Variants in ADORA2B observed in about 807,000 individuals in gnomAD.
ADORA2B encodes the protein adenosine receptor A2b.
A neutral mutation model predicts 20.8 loss-of-function variants in ADORA2B; 18 were observed. The observed-to-expected ratio is 0.87, with a 90% CI of 0.60 to 1.29. ADORA2B has a LOEUF of 1.29. ADORA2B is among the 50% of genes most tolerant of loss of function. ADORA2B has a pLI of 0.00. For missense variants in ADORA2B, 441 were observed against 422.7 expected (o/e 1.04, Z -0.38); for synonymous variants, 179 against 178.3 (o/e 1.00, Z -0.03).
At chr17:15,891,085 G>A in the ADORA2B span, among the ~76,000 whole-genome samples, 5 of 152,170 alleles carry the variant, frequency 3.3e-5, no homozygotes, top group African/African-American at 1.2e-4. Context: ...TGGCCAACAT[G>A]GTGAAACCCC....
the ADORA2B span, among the ~76,000 whole-genome samples, chr17:15,866,832 C>G: frequency 6.6e-6 from 1 of 151,958 alleles, no homozygotes; most frequent in Non-Finnish European, 1.5e-5. Flanking sequence ...CCTCTGATGC[C>G]GAGCCAAAGC....
chr17:15,928,131 G>A, the ADORA2B span, among the ~76,000 whole-genome samples: 24 of 152,286 alleles, frequency 1.6e-4, no homozygotes, highest in Non-Finnish European at 3.5e-4. Flanking sequence ...TCAAGAAAGA[G>A]GAAGTGATGG....
chr17:15,862,570 T>C, the ADORA2B span, among the ~76,000 whole-genome samples: 2 of 152,232 alleles, frequency 1.3e-5, no homozygotes, highest in East Asian at 3.9e-4. Context: ...ATTTCTGTAC[T>C]GCTTTGTGGT....
At chr17:15,940,657 T>C (rs1969735644), upstream of ADORA2B, among the ~76,000 whole-genome samples, 1 of 152,168 alleles carries the variant, frequency 6.6e-6, no homozygotes, top group Admixed American at 6.5e-5. Context: ...TCCTCTTTAT[T>C]TTATAGAGCC....
At chr17:15,917,277 C>A in the ADORA2B span, among the ~76,000 whole-genome samples, 30,838 of 152,220 alleles carry the variant, frequency 0.2, 3,688 homozygotes, top group Non-Finnish European at 0.27. Context: ...GCATTCCCTC[C>A]TGGGCAACAG....
the ADORA2B span, among the ~76,000 whole-genome samples, chr17:15,924,871 CT>C: frequency 3.5e-4 from 51 of 144,834 alleles, no homozygotes; most frequent in South Asian, 4.4e-4. Context: ...TTCTTTCTTT[CT>C]TTTTTTTTTT....
At chr17:15,970,457 T>C (rs1303555214) in intron 1 of ADORA2B, among the ~76,000 whole-genome samples, 1 of 152,194 alleles carries the variant, frequency 6.6e-6, no homozygotes, top group African/African-American at 2.4e-5. Context: ...AATGAGCCTC[T>C]ATGTACAGGG....
the ADORA2B span, among the ~76,000 whole-genome samples, chr17:15,923,198 T>TTTC: frequency 1.0e-5 from 1 of 99,026 alleles, no homozygotes; most frequent in African/African-American, 4.5e-5. Flanking sequence ...AATTTCTTTC[T>TTTC]TTTTTTAATT....
chr17:15,900,725 C>T, the ADORA2B span, among the ~76,000 whole-genome samples: 48,970 of 152,014 alleles, frequency 0.32, 8,609 homozygotes, highest in African/African-American at 0.46. Context: ...ACTGAGATTA[C>T]AGGTGTGAGC....
the ADORA2B span, among the ~76,000 whole-genome samples, chr17:15,899,486 G>A: frequency 2.0e-5 from 3 of 152,142 alleles, no homozygotes; most frequent in African/African-American, 7.2e-5. Flanking sequence ...TACATGTGCA[G>A]GTTTGTTACA....
chr17:15,850,694 A>G, the ADORA2B span: 1 of 167,404 alleles, frequency 6.0e-6, no homozygotes, highest in Admixed American at 6.5e-5. Flanking sequence ...AGGAATAACC[A>G]CTGCTTATGG....
chr17:15,922,553 G>T, the ADORA2B span, among the ~76,000 whole-genome samples: 6 of 152,072 alleles, frequency 3.9e-5, no homozygotes, highest in Non-Finnish European at 7.4e-5. Flanking sequence ...AATTATACTG[G>T]GGCAAAGGTG....
the ADORA2B span, among the ~76,000 whole-genome samples, chr17:15,929,350 A>G: frequency 6.6e-6 from 1 of 152,198 alleles, no homozygotes; most frequent in East Asian, 1.9e-4. Context: ...GAGTCAGGTG[A>G]ATGGAATGAC....
chr17:15,964,905 C>CAA (rs551950342), intron 1 of ADORA2B, among the ~76,000 whole-genome samples: 2 of 151,800 alleles, frequency 1.3e-5, no homozygotes, highest in Non-Finnish European at 2.9e-5. Flanking sequence ...ACTAAAAATA[C>CAA]AAAAAATTAG....
At chr17:15,873,357 C>T in the ADORA2B span, among the ~76,000 whole-genome samples, 1 of 152,000 alleles carries the variant, frequency 6.6e-6, no homozygotes, top group South Asian at 2.1e-4. Context: ...ACTAAGACCC[C>T]AAAAGCAAAT....
At chr17:15,945,672 GC>G in intron 1 of ADORA2B, 89 bp downstream of exon 1, 3 of 1,300,526 alleles carry the variant, frequency 2.3e-6, no homozygotes, top group Middle Eastern at 2.4e-4. Flanking sequence ...TCCCTCGGGG[GC>G]CCCAGACGGG....
chr17:15,945,106 A>G (rs1969781439), upstream of ADORA2B: 2 of 677,870 alleles, frequency 3.0e-6, no homozygotes, highest in Non-Finnish European at 4.1e-6. Flanking sequence ...GGTCCCGGCC[A>G]CCAGCGCCCC....
At chr17:15,876,413 TC>T in the ADORA2B span, among the ~76,000 whole-genome samples, 3 of 134,784 alleles carry the variant, frequency 2.2e-5, no homozygotes, top group African/African-American at 9.3e-5. Flanking sequence ...TAGCTTAAGG[TC>T]TTTTTTTTTT....
intron 1 of ADORA2B, among the ~76,000 whole-genome samples, chr17:15,971,940 G>A (rs777700811): frequency 6.6e-6 from 1 of 152,094 alleles, no homozygotes; most frequent in Non-Finnish European, 1.5e-5. Flanking sequence ...GCCTGTGATG[G>A]CCATATTAAG....
Sources: gnomAD v4.1 joint callset for allele counts (sites outside exome capture counted in the v4.1 genomes callset) on GRCh38, gnomAD v4.1.1 for gene constraint, MANE v1.5 for transcripts, NCBI Gene and HGNC (gene_info 2026-07-23, HGNC 2026-07-21) for gene names.